The following FRMD6 variants were observed in gnomAD, a reference collection of about 807,000 sequenced individuals.
FRMD6 encodes FERM domain-containing protein 6.
FRMD6 carries 37 observed loss-of-function variants against 73.2 expected under a neutral mutation model. The observed-to-expected ratio is 0.51, with a 90% CI of 0.39 to 0.66. FRMD6 has a LOEUF of 0.66. Among genes scored for constraint, FRMD6 ranks in the 30% least tolerant of loss-of-function variants. FRMD6 has a pLI of 0.00. For synonymous variants in FRMD6, 273 were observed against 282.2 expected (o/e 0.97, Z 0.33); for missense variants, 714 against 780.5 (o/e 0.91, Z 1.02).
intron 2 of FRMD6, among the ~76,000 whole-genome samples, chr14:51,579,552 A>G (rs906132579): frequency 6.6e-6 from 1 of 152,218 alleles, no homozygotes; most frequent in Non-Finnish European, 1.5e-5. Flanking sequence ...AGCTCCATGA[A>G]GGTAGGGATT....
intron 2 of FRMD6, among the ~76,000 whole-genome samples, chr14:51,607,446 C>G (rs1890306509): frequency 6.6e-6 from 1 of 152,138 alleles, no homozygotes. Context: ...GAGGTGCCAA[C>G]TCTAATGTTG....
intron 1 of FRMD6, among the ~76,000 whole-genome samples, chr14:51,501,373 C>G (rs1883613171): frequency 1.3e-5 from 2 of 152,156 alleles, no homozygotes; most frequent in African/African-American, 4.8e-5. Flanking sequence ...CTCCCCCAAC[C>G]AACCCCTCCC....
chr14:51,647,887 G>A (rs1477139526), upstream of FRMD6, among the ~76,000 whole-genome samples: 5 of 152,052 alleles, frequency 3.3e-5, no homozygotes, highest in African/African-American at 1.2e-4. Context: ...GTGCAATGGC[G>A]CGATCTTAGT....
chr14:51,701,280 TTATC>T (rs1478804386), intron 4 of FRMD6, 121 bp downstream of exon 4: 24 of 423,056 alleles, frequency 5.7e-5, no homozygotes, highest in Middle Eastern at 7.0e-4. Flanking sequence ...ATTTTCTACT[TTATC>T]TACTAAGTTA....
At chr14:51,563,350 C>A (rs186466015) in intron 1 of FRMD6, among the ~76,000 whole-genome samples, 17 of 152,254 alleles carry the variant, frequency 1.1e-4, no homozygotes, top group African/African-American at 4.1e-4. Flanking sequence ...AAGGCATAGC[C>A]ATCAAGAGCT....
chr14:51,546,551 C>A (rs1596570128), intron 1 of FRMD6: 3 of 102,682 alleles, frequency 2.9e-5, no homozygotes, highest in African/African-American at 3.8e-5. Context: ...GTATATCTAA[C>A]AGGGTAAAGG....
chr14:51,490,615 T>TG (rs1407079917), intron 1 of FRMD6, among the ~76,000 whole-genome samples: 7 of 134,408 alleles, frequency 5.2e-5, no homozygotes, highest in African/African-American at 8.8e-5. Flanking sequence ...ATGTGTGTAT[T>TG]TTGTGTGTGT....
chr14:51,571,756 C>G lies in FRMD6; in HGVS notation c.-147+1346C>G, dbSNP rs550808076. 4.6e-5 allele frequency among the ~76,000 whole-genome samples: 7 copies of G among 152,212 alleles called. No individual in the cohort carries two copies. In the South Asian group the frequency reaches 1.5e-3, roughly 32 times the overall value. On this transcript the variant is annotated intron_variant, in intron 2 of 14. Coordinates refer to the FRMD6 transcript ENST00000356218. ...ATAATGAAGATACTAATAGACTGTACTAGTGAGGATTGCTCTAAAAAAATA... is the reference window on the plus strand; with the variant it reads ...ATAATGAAGATACTAATAGACTGTAGTAGTGAGGATTGCTCTAAAAAAATA...
intron 1 of FRMD6, among the ~76,000 whole-genome samples, chr14:51,556,615 G>A (rs1050691609): frequency 7.2e-5 from 11 of 152,260 alleles, no homozygotes; most frequent in Admixed American, 5.9e-4. Context: ...AGGGGTATTG[G>A]CCTTAGGCAA....
chr14:51,519,444 C>G (rs1884823935), intron 1 of FRMD6, among the ~76,000 whole-genome samples: 1 of 151,974 alleles, frequency 6.6e-6, no homozygotes, highest in African/African-American at 2.4e-5. Flanking sequence ...GCCACTGCAC[C>G]CGGCCCACAT....
the FRMD6 span, among the ~76,000 whole-genome samples, chr14:51,428,347 A>T: frequency 6.6e-6 from 1 of 152,112 alleles, no homozygotes; most frequent in Non-Finnish European, 1.5e-5. Flanking sequence ...CAGAATTGCC[A>T]TGTACAAGTG....
the FRMD6 span, among the ~76,000 whole-genome samples, chr14:51,407,146 G>A: frequency 6.6e-6 from 1 of 151,964 alleles, no homozygotes; most frequent in Non-Finnish European, 1.5e-5. Flanking sequence ...AATTTACCAT[G>A]TAGTATTATT....
chr14:51,614,400 AAGAT>A (rs1327213400), intron 2 of FRMD6, among the ~76,000 whole-genome samples: 2 of 152,188 alleles, frequency 1.3e-5, no homozygotes, highest in Non-Finnish European at 2.9e-5. Flanking sequence ...TCTACTCTAA[AAGAT>A]AGATTCTTAT....
At chr14:51,661,574 G>A (rs1289929046) in intron 1 of FRMD6, among the ~76,000 whole-genome samples, 2 of 152,148 alleles carry the variant, frequency 1.3e-5, no homozygotes, top group African/African-American at 4.8e-5. Context: ...AAAGGAGCAA[G>A]CAGAGGATAG....
intron 2 of FRMD6, among the ~76,000 whole-genome samples, chr14:51,626,718 G>A (rs1950924): frequency 0.14 from 21,584 of 152,070 alleles, 2,045 homozygotes; most frequent in African/African-American, 0.27. Flanking sequence ...AAAGACCTGG[G>A]CTTGAATCCT....
intron 2 of FRMD6, among the ~76,000 whole-genome samples, chr14:51,645,659 A>T (rs566358240): frequency 3.3e-4 from 50 of 152,078 alleles, no homozygotes; most frequent in Middle Eastern, 3.4e-3. Flanking sequence ...TATGTTATCC[A>T]GGCTGGTCTC....
chr14:51,492,877 G>A (rs1040709380), intron 1 of FRMD6, among the ~76,000 whole-genome samples: 6 of 152,224 alleles, frequency 3.9e-5, no homozygotes, highest in African/African-American at 7.2e-5. Flanking sequence ...AATGGGGGTT[G>A]TAATTTGAAG....
intron 1 of FRMD6, among the ~76,000 whole-genome samples, chr14:51,662,192 G>T (rs1279267438): frequency 6.6e-6 from 1 of 151,920 alleles, no homozygotes; most frequent in Non-Finnish European, 1.5e-5. Context: ...ATTGATCCTT[G>T]TCTTAGATTG....
chr14:51,404,525 T>G, the FRMD6 span, among the ~76,000 whole-genome samples: 1 of 152,194 alleles, frequency 6.6e-6, no homozygotes, highest in African/African-American at 2.4e-5. Flanking sequence ...GTTAGTGTTG[T>G]TGGCATTCTC....
Sources: allele counts gnomAD v4.1 joint callset (sites outside exome capture counted in the v4.1 genomes callset), GRCh38; gene constraint gnomAD v4.1.1; transcripts MANE v1.5; gene names NCBI Gene and HGNC (gene_info 2026-07-23, HGNC 2026-07-21).